The following HPSE2 variants were observed in gnomAD, a reference collection of about 807,000 sequenced individuals.
HPSE2 encodes heparanase 2 (inactive).
HPSE2 carries 38 observed loss-of-function variants against 60.5 expected under a neutral mutation model. The observed-to-expected ratio is 0.63, with a 90% confidence interval of 0.48 to 0.82. HPSE2 has a LOEUF of 0.82. Ranked by LOEUF, HPSE2 falls within the 40% of genes least tolerant of loss-of-function variation. HPSE2 has a pLI of 0.00. For synonymous variants in HPSE2, 295 were observed against 293.2 expected, an observed-to-expected ratio of 1.01 and a Z score of -0.06; for missense variants, 713 against 740.4, an observed-to-expected ratio of 0.96 and a Z score of 0.43.
intron 3 of HPSE2, among the ~76,000 whole-genome samples, chr10:98,851,648 T>C (rs1374309123): frequency 1.3e-5 from 2 of 152,206 alleles, no homozygotes; most frequent in Admixed American, 1.3e-4. Flanking sequence ...AAAAATTCCC[T>C]AATCCAACAC....
At chr10:99,309,512 A>G in the HPSE2 span, among the ~76,000 whole-genome samples, 1 of 152,218 alleles carries the variant, frequency 6.6e-6, no homozygotes, top group Non-Finnish European at 1.5e-5. Context: ...GGCTAAAATG[A>G]AAAGGACAGA....
chr10:99,065,425 T>TAA (rs879868656), intron 3 of HPSE2, among the ~76,000 whole-genome samples: 2 of 150,064 alleles, frequency 1.3e-5, no homozygotes, highest in African/African-American at 4.8e-5. Context: ...CATTGATTAG[T>TAA]AAAAAACAAA....
intron 9 of HPSE2, among the ~76,000 whole-genome samples, chr10:98,512,609 G>T (rs528907420): frequency 6.6e-6 from 1 of 152,120 alleles, no homozygotes; most frequent in African/African-American, 2.4e-5. Context: ...TTGTCAAATG[G>T]CTTCCCATTT....
At chr10:98,467,924 G>A (rs1018377310) in intron 11 of HPSE2, among the ~76,000 whole-genome samples, 15 of 152,340 alleles carry the variant, frequency 9.8e-5, no homozygotes, top group African/African-American at 3.6e-4. Flanking sequence ...CAGAGAACGG[G>A]GGGTCCCAGG....
chr10:98,868,667 T>G (rs987647948), intron 3 of HPSE2, among the ~76,000 whole-genome samples: 4 of 152,084 alleles, frequency 2.6e-5, no homozygotes, highest in African/African-American at 9.7e-5. Context: ...TTTAAAAAAT[T>G]TAATATGAAT....
intron 9 of HPSE2, among the ~76,000 whole-genome samples, chr10:98,553,358 T>C (rs1943914237): frequency 6.6e-6 from 1 of 152,250 alleles, no homozygotes; most frequent in South Asian, 2.1e-4. Context: ...GTTATCTTAG[T>C]TTGCGCTGTT....
At chr10:98,497,670 T>A (rs1226066669) in intron 9 of HPSE2, among the ~76,000 whole-genome samples, 1 of 152,216 alleles carries the variant, frequency 6.6e-6, no homozygotes, top group Non-Finnish European at 1.5e-5. Context: ...TAATTTAATT[T>A]GATCACAAAT....
At chr10:99,132,204 AGAGAGAGAGAGAGAGAG>A (rs1845446463) in intron 3 of HPSE2, among the ~76,000 whole-genome samples, 3 of 21,266 alleles carry the variant, frequency 1.4e-4, no homozygotes, top group African/African-American at 2.2e-4. Flanking sequence ...AGAGAGAGAG[AGAGAGAGAGAGAGAGAG>A]AGAGAGAGAG....
chr10:98,663,008 A>G (rs1365007619), intron 6 of HPSE2, among the ~76,000 whole-genome samples: 1 of 152,236 alleles, frequency 6.6e-6, no homozygotes, highest in Admixed American at 6.5e-5. Context: ...TTAGAAATAG[A>G]TGAAGGTCAT....
At chr10:99,060,658 CAAAAAAAAAAA>C (rs35034456) in intron 3 of HPSE2, among the ~76,000 whole-genome samples, 8 of 47,774 alleles carry the variant, frequency 1.7e-4, no homozygotes, top group African/African-American at 3.8e-4. Flanking sequence ...AACTCTGTCT[CAAAAAAAAAAA>C]AAAAAAAAAA....
chr10:98,721,950 G>C, intron 4 of HPSE2, 122 bp from the exon 5 acceptor site: 1 of 861,514 alleles, frequency 1.2e-6, no homozygotes, highest in Non-Finnish European at 1.8e-6. Flanking sequence ...ATAAAAAAGT[G>C]GGTGTGAATT....
intron 3 of HPSE2, among the ~76,000 whole-genome samples, chr10:98,985,036 G>T (rs1956305399): frequency 6.6e-6 from 1 of 152,200 alleles, no homozygotes; most frequent in African/African-American, 2.4e-5. Context: ...GAAAGTGACA[G>T]GGAGAATGGA....
chr10:99,307,867 C>CACACAA, the HPSE2 span, among the ~76,000 whole-genome samples: 1 of 151,534 alleles, frequency 6.6e-6, no homozygotes, highest in African/African-American at 2.4e-5. Flanking sequence ...CACACACACA[C>CACACAA]AAATGGCTAC....
intron 3 of HPSE2, among the ~76,000 whole-genome samples, chr10:98,853,463 AT>A (rs940878130): frequency 4.6e-5 from 7 of 151,756 alleles, no homozygotes; most frequent in African/African-American, 1.5e-4. Flanking sequence ...CCCTATCTTT[AT>A]TTTTTTCTCA....
intron 7 of HPSE2, among the ~76,000 whole-genome samples, chr10:98,639,537 T>C (rs1565039565): frequency 6.6e-6 from 1 of 152,334 alleles, no homozygotes; most frequent in East Asian, 1.9e-4. Context: ...GTGACAGCAC[T>C]TCCCCTTCCC....
At chr10:99,153,157 C>T (rs1183826672) in intron 2 of HPSE2, among the ~76,000 whole-genome samples, 3 of 152,272 alleles carry the variant, frequency 2.0e-5, no homozygotes, top group South Asian at 4.2e-4. Flanking sequence ...AACTGCAAGG[C>T]AGCAGCGAGG....
At chr10:98,629,629 C>T (rs1045666080) in intron 7 of HPSE2, among the ~76,000 whole-genome samples, 1 of 152,160 alleles carries the variant, frequency 6.6e-6, no homozygotes, top group Non-Finnish European at 1.5e-5. Flanking sequence ...CTTACTGCCT[C>T]TAATCTTTTC....
At chr10:98,817,915 T>G (rs1270130088) in intron 3 of HPSE2, among the ~76,000 whole-genome samples, 2 of 152,178 alleles carry the variant, frequency 1.3e-5, no homozygotes, top group African/African-American at 4.8e-5. Context: ...TTCTCTAACT[T>G]TTATCCATTA....
At chr10:98,743,075 C>T (rs966315257) in intron 4 of HPSE2, among the ~76,000 whole-genome samples, 9 of 149,112 alleles carry the variant, frequency 6.0e-5, no homozygotes, top group Non-Finnish European at 1.2e-4. Context: ...TGGGTTCAAG[C>T]GATTCTCCTG....
Sources: allele counts gnomAD v4.1 joint callset (sites outside exome capture counted in the v4.1 genomes callset), GRCh38; gene constraint gnomAD v4.1.1; transcripts MANE v1.5; gene names NCBI Gene and HGNC (gene_info 2026-07-23, HGNC 2026-07-21).